The following CCDC171 variants were observed in gnomAD, a reference collection of about 807,000 sequenced individuals.
CCDC171 encodes coiled-coil domain-containing protein 171.
In CCDC171, 177 loss-of-function variants were observed where a neutral mutation model predicts 168.2. The ratio of observed to expected loss-of-function variants is 1.05; its 90% CI spans 0.93 to 1.19. CCDC171 has a LOEUF of 1.19. CCDC171 is among the 50% of genes most tolerant of loss of function. The pLI is 0.00. For missense variants in CCDC171, 1,991 were observed against 1,539.0 expected, an observed-to-expected ratio of 1.29 and a Z score of -4.91; for synonymous variants, 687 against 540.8, an observed-to-expected ratio of 1.27 and a Z score of -3.75.
the CCDC171 span, among the ~76,000 whole-genome samples, chr9:16,084,049 C>A: frequency 5.9e-5 from 9 of 152,136 alleles, no homozygotes; most frequent in Non-Finnish European, 8.8e-5. Flanking sequence ...ACAGAATATC[C>A]CATTGAGTGA....
intron 3 of CCDC171, among the ~76,000 whole-genome samples, chr9:15,983,518 G>C (rs1183685492): frequency 1.3e-5 from 2 of 148,882 alleles, no homozygotes; most frequent in African/African-American, 4.9e-5. Context: ...GTGTGAGAGA[G>C]AGAGAATCTC....
chr9:15,589,977 A>G (rs2041862579), intron 4 of CCDC171, among the ~76,000 whole-genome samples: 1 of 152,218 alleles, frequency 6.6e-6, no homozygotes, highest in Admixed American at 6.5e-5. Context: ...TACCAGATTG[A>G]AAGAGTCTAT....
intron 4 of CCDC171, among the ~76,000 whole-genome samples, chr9:15,581,780 T>C (rs1490182116): frequency 2.6e-5 from 4 of 151,904 alleles, no homozygotes; most frequent in Non-Finnish European, 5.9e-5. Flanking sequence ...AAAAATTAAC[T>C]CAAGATGGAT....
chr9:15,719,457 C>T (rs902067026), intron 11 of CCDC171, among the ~76,000 whole-genome samples: 2 of 144,560 alleles, frequency 1.4e-5, no homozygotes, highest in Non-Finnish European at 3.0e-5. Flanking sequence ...AAAGTTTATT[C>T]AAATGGATAA....
intron 21 of CCDC171, among the ~76,000 whole-genome samples, chr9:15,829,947 A>G (rs2060162561): frequency 6.6e-6 from 1 of 152,168 alleles, no homozygotes; most frequent in South Asian, 2.1e-4. Flanking sequence ...GGTAGCAAAT[A>G]TGGCATTTGC....
chr9:16,067,637 G>A, the CCDC171 span, among the ~76,000 whole-genome samples: 1 of 152,124 alleles, frequency 6.6e-6, no homozygotes, highest in Non-Finnish European at 1.5e-5. Context: ...ATTAATTTTT[G>A]TATAAGGTGT....
intron 6 of CCDC171, among the ~76,000 whole-genome samples, chr9:16,033,707 G>T (rs1043088372): frequency 1.3e-5 from 2 of 151,762 alleles, no homozygotes; most frequent in African/African-American, 4.8e-5. Flanking sequence ...CCTGTCTGTG[G>T]AAAAACTGTC....
the CCDC171 span, among the ~76,000 whole-genome samples, chr9:16,095,314 G>A: frequency 1.3e-5 from 2 of 152,060 alleles, no homozygotes; most frequent in Admixed American, 6.6e-5. Context: ...ATTCACATAC[G>A]GGCCCATGGA....
the CCDC171 span, among the ~76,000 whole-genome samples, chr9:16,072,296 G>T: frequency 7.9e-5 from 12 of 152,078 alleles, no homozygotes; most frequent in Non-Finnish European, 8.8e-5. Flanking sequence ...TCTCAATTTA[G>T]TGTCTTCCTC....
At chr9:15,663,285 G>A (rs1323434651) in intron 8 of CCDC171, among the ~76,000 whole-genome samples, 1 of 151,998 alleles carries the variant, frequency 6.6e-6, no homozygotes, top group African/African-American at 2.4e-5. Flanking sequence ...CTAATGTGAA[G>A]CATTTTTTTT....
intron 25 of CCDC171, among the ~76,000 whole-genome samples, chr9:15,932,064 G>A (rs1826590482): frequency 6.6e-6 from 1 of 151,822 alleles, no homozygotes; most frequent in African/African-American, 2.4e-5. Context: ...CATTTGCTCA[G>A]GATTGTTTTG....
intron 8 of CCDC171, among the ~76,000 whole-genome samples, chr9:15,659,254 A>C (rs903530720): frequency 2.6e-5 from 4 of 152,210 alleles, no homozygotes; most frequent in African/African-American, 9.6e-5. Flanking sequence ...TGGATCAGCC[A>C]GTTTCCCAGG....
At chr9:15,705,093 C>CACACACACACAT (rs2052106261) in intron 11 of CCDC171, among the ~76,000 whole-genome samples, 1 of 130,346 alleles carries the variant, frequency 7.7e-6, no homozygotes, top group Non-Finnish European at 1.8e-5. Flanking sequence ...ATCCTTACGA[C>CACACACACACAT]ACACACACAC....
intron 6 of CCDC171, among the ~76,000 whole-genome samples, chr9:15,617,359 G>C (rs987974488): frequency 2.7e-5 from 4 of 150,872 alleles, no homozygotes; most frequent in African/African-American, 9.7e-5. Context: ...ATGACCTTTG[G>C]ATGGGCTTTT....
chr9:15,864,763 G>A (rs1175385606), intron 23 of CCDC171, among the ~76,000 whole-genome samples: 1 of 152,062 alleles, frequency 6.6e-6, no homozygotes. Context: ...TACTAACCAA[G>A]TGCCTAATAG....
At chr9:15,971,095 A>G (rs1403914348) in intron 25 of CCDC171, among the ~76,000 whole-genome samples, 1 of 152,150 alleles carries the variant, frequency 6.6e-6, no homozygotes, top group Non-Finnish European at 1.5e-5. Context: ...TTAGTATGCC[A>G]TTTTCTAGAG....
intron 11 of CCDC171, among the ~76,000 whole-genome samples, chr9:15,721,500 G>T (rs1032631711): frequency 1.3e-5 from 2 of 151,134 alleles, no homozygotes; most frequent in Non-Finnish European, 3.0e-5. Context: ...GTAGAAAGTA[G>T]TCATAAATTT....
At chr9:16,097,156 T>A in the CCDC171 span, among the ~76,000 whole-genome samples, 2 of 152,186 alleles carry the variant, frequency 1.3e-5, no homozygotes, top group East Asian at 3.9e-4. Context: ...CCTATCATGC[T>A]GAGGCTCCCC....
At chr9:15,707,774 C>CT (rs2052358633) in intron 11 of CCDC171, among the ~76,000 whole-genome samples, 1 of 152,294 alleles carries the variant, frequency 6.6e-6, no homozygotes, top group South Asian at 2.1e-4. Flanking sequence ...CCTTATTTCT[C>CT]TTTAAGTTTT....
Sources: gnomAD v4.1 joint callset for allele counts (sites outside exome capture counted in the v4.1 genomes callset) on GRCh38, gnomAD v4.1.1 for gene constraint, MANE v1.5 for transcripts, NCBI Gene and HGNC (gene_info 2026-07-23, HGNC 2026-07-21) for gene names.